Variants in ZFC3H1 observed in about 807,000 individuals in gnomAD.
ZFC3H1 encodes zinc finger C3H1-type containing.
In ZFC3H1, 71 loss-of-function variants were observed where a neutral mutation model predicts 243.7. The observed-to-expected ratio is 0.29, with a 90% CI of 0.24 to 0.36. The LOEUF (loss-of-function observed/expected upper bound fraction) is 0.36. Ranked by LOEUF, ZFC3H1 falls within the 10% of genes least tolerant of loss-of-function variation. The pLI is 1.00. For missense variants in ZFC3H1, 1,966 were observed against 2,317.1 expected (o/e 0.85, Z 3.11); for synonymous variants, 838 against 813.0 (o/e 1.03, Z -0.52).
At chr12:71,661,968 T>C (rs2137569788) in intron 1 of ZFC3H1, among the ~76,000 whole-genome samples, 1 of 152,336 alleles carries the variant, frequency 6.6e-6, no homozygotes, top group East Asian at 1.9e-4. Context: ...ATAAAAGTAA[T>C]TCTGATTGTC....
intron 24 of ZFC3H1, among the ~76,000 whole-genome samples, chr12:71,623,058 G>A (rs1191718277): frequency 1.3e-5 from 2 of 150,276 alleles, no homozygotes; most frequent in African/African-American, 4.9e-5. Context: ...CTAGTTCTCT[G>A]ATTTAATCAA....
chr12:71,653,315 G>A (rs563693949), intron 2 of ZFC3H1, among the ~76,000 whole-genome samples: 111 of 152,282 alleles, frequency 7.3e-4, no homozygotes, highest in African/African-American at 2.5e-3. Flanking sequence ...TCAGTAAAAC[G>A]AAAGATGTAT....
chr12:71,644,152 T>C lies in ZFC3H1; in HGVS notation c.1446A>G (p.Glu482=). 6.2e-7 allele frequency: 1 copy of C among 1,614,028 alleles called. No individual in the cohort carries two copies. Among genetic ancestry groups the C allele is most frequent in the South Asian group, 1.1e-5 (1 of 91,076 alleles). ...IRKIRDLSNQ[E]EQYNRFMKLV... The stretch of plus-strand genomic sequence containing the variant: ...ATTTCATGAATCGATTGTACTGTTC[T>C]TCCTGATTTGAGAGATCTCGAATTT... The change falls in exon 5 of 35, where the codon GAA becomes GAG. Residue 482 remains glutamate, a synonymous_variant. Coordinates refer to ENST00000378743, the MANE Select transcript of ZFC3H1 (RefSeq NM_144982.5).
intron 2 of ZFC3H1, 151 bp downstream of exon 2, chr12:71,656,734 T>G: frequency 1.3e-6 from 1 of 790,898 alleles, no homozygotes; most frequent in Non-Finnish European, 1.9e-6. Context: ...ACAAAATTAG[T>G]AATTATTCAA....
chr12:71,663,335 C>G lies in ZFC3H1; in HGVS notation c.276G>C (p.Ala92=). ...QLRNFSRSRH[A]SERGHLRGPS... ...GTCCCCTGAGGTGGCCCCGCTCAGA[C>G]GCGTGCCGCGAGCGTGAGAAATTCC... Residue 92 remains alanine, a synonymous_variant, in exon 1 of 35, where the codon GCG becomes GCC. Transcript: ENST00000378743. 4 of 1,613,240 alleles carry G rather than the reference C, an allele frequency of 2.5e-6. No homozygotes were observed. Among genetic ancestry groups the G allele is most frequent in the Non-Finnish European group, 3.4e-6 (4 of 1,180,032 alleles).
Position 71,638,271 on chromosome 12 carries a change from CTGTT to C in ZFC3H1, c.1725+143_1725+146del, listed in dbSNP as rs1880514691. On this transcript the variant is annotated intron_variant, in intron 7 of 34. Coordinates refer to ENST00000378743, the MANE Select transcript of ZFC3H1 (RefSeq NM_144982.5). ...ATGGATAGCTTGCTGGTATAATCAA[CTGTT>C]TATTCTACGTATTTCATTGCTATTA... The C allele has an allele frequency of 1.1e-5, 8 of 732,742 alleles. No homozygotes were observed. In the South Asian group the frequency reaches 1.2e-4, roughly 11 times the overall value. 45.4% of individuals were successfully genotyped at this position (732,742 alleles called of 1,614,324 possible).
chr12:71,623,646 C>T (rs747197137), intron 23 of ZFC3H1, 49 bp from the exon 24 acceptor site: 1 of 1,312,778 alleles, frequency 7.6e-7, no homozygotes, highest in South Asian at 1.4e-5. Context: ...GATGTCAGTA[C>T]CAGATTAACA....
At chr12:71,639,201 T>C (rs1010379652) in intron 6 of ZFC3H1, among the ~76,000 whole-genome samples, 1 of 152,244 alleles carries the variant, frequency 6.6e-6, no homozygotes, top group African/African-American at 2.4e-5. Context: ...CTACTCTTAC[T>C]ACCCTACCCA....
intron 27 of ZFC3H1, among the ~76,000 whole-genome samples, chr12:71,618,233 C>T (rs965921445): frequency 3.3e-5 from 5 of 151,396 alleles, no homozygotes; most frequent in African/African-American, 1.2e-4. Context: ...CCACTGCACC[C>T]CAGCCTGGGA....
chr12:71,659,156 C>G (rs1881098776), intron 1 of ZFC3H1, among the ~76,000 whole-genome samples: 2 of 152,088 alleles, frequency 1.3e-5, no homozygotes, highest in South Asian at 4.1e-4. Context: ...CATTCTAATG[C>G]ACCTCCACAG....
In ZFC3H1 at chr12:71,644,944, C is replaced by A; in HGVS notation, c.1212G>T (p.Thr404=). 6.2e-7 allele frequency: 1 copy of A among 1,612,976 alleles called. No homozygotes were observed. The highest frequency in any genetic ancestry group is 8.5e-7 in the Non-Finnish European group (1 of 1,180,004). Residue 404 remains threonine, a synonymous_variant, in exon 4 of 35, where the codon ACG becomes ACT. Transcript: ENST00000378743. ...TTTTAACTTTTTGCTGTACAGTTTT[C>A]GTCTTAGTCAACTTTTCTTTGCTTT... ...MKESKEKLTK[T]KTVQQKVKTS...
intron 2 of ZFC3H1, among the ~76,000 whole-genome samples, chr12:71,649,361 CATA>C (rs1017045483): frequency 6.6e-6 from 1 of 152,182 alleles, no homozygotes; most frequent in African/African-American, 2.4e-5. Context: ...TGTTTTACTT[CATA>C]ATAACTCATA....
chr12:71,624,368 T>A, intron 22 of ZFC3H1, 76 bp from the exon 23 acceptor site: 1 of 1,381,886 alleles, frequency 7.2e-7, no homozygotes, highest in Non-Finnish European at 9.7e-7. Flanking sequence ...CACATTTCAT[T>A]AAGAAACCAT....
At chr12:71,660,203 T>C (rs1881129151) in intron 1 of ZFC3H1, 3 of 152,228 alleles carry the variant, frequency 2.0e-5, no homozygotes, top group Non-Finnish European at 2.9e-5. Flanking sequence ...TATAATCACA[T>C]AGTGGAAATA....
intron 27 of ZFC3H1, among the ~76,000 whole-genome samples, chr12:71,618,740 A>C (rs1879952809): frequency 6.6e-6 from 1 of 152,194 alleles, no homozygotes; most frequent in Non-Finnish European, 1.5e-5. Context: ...CCCCCAAAAA[A>C]TCATTATTCA....
intron 2 of ZFC3H1, among the ~76,000 whole-genome samples, chr12:71,649,015 C>T (rs764027387): frequency 2.7e-5 from 4 of 148,802 alleles, no homozygotes; most frequent in African/African-American, 5.0e-5. Flanking sequence ...CGCTTGGACC[C>T]GGGAGGTGGA....
At position 71,663,333 on chromosome 12, in the gene ZFC3H1, G is replaced by A; in HGVS notation, c.278C>T (p.Ser93Phe). The change falls in exon 1 of 35, where the codon TCT (serine) becomes TTT (phenylalanine). Residue 93 changes from serine to phenylalanine, a missense_variant. Around this residue, in one of 4 missense-constraint regions of ZFC3H1, gnomAD observed 484 missense variants for 449.7 expected, o/e 1.08. Coordinates refer to ENST00000378743, the MANE Select transcript of ZFC3H1 (RefSeq NM_144982.5). ...LRNFSRSRHA[S>F]ERGHLRGPSS... ...GGGTCCCCTGAGGTGGCCCCGCTCA[G>A]ACGCGTGCCGCGAGCGTGAGAAATT... The A allele has an allele frequency of 3.1e-6, 5 of 1,613,242 alleles. No individual in the cohort carries two copies. Among genetic ancestry groups the A allele is most frequent in the Non-Finnish European group, 4.2e-6 (5 of 1,180,026 alleles).
intron 2 of ZFC3H1, among the ~76,000 whole-genome samples, chr12:71,652,603 T>C (rs1395979252): frequency 1.3e-5 from 2 of 152,242 alleles, no homozygotes; most frequent in African/African-American, 2.4e-5. Context: ...CTATGAAACC[T>C]TTCTAAATCC....
intron 2 of ZFC3H1, among the ~76,000 whole-genome samples, chr12:71,652,700 T>C (rs571537491): frequency 1.3e-5 from 2 of 152,332 alleles, no homozygotes; most frequent in Admixed American, 1.3e-4. Context: ...TTGTGTCTTT[T>C]CTATCCCTCT....
Sources: allele counts gnomAD v4.1 joint callset (sites outside exome capture counted in the v4.1 genomes callset), GRCh38; gene constraint gnomAD v4.1.1; regional missense constraint gnomAD v4.1.1; transcripts MANE v1.5; gene names NCBI Gene and HGNC (gene_info 2026-07-23, HGNC 2026-07-21).